Variants in ASCC3 observed in about 807,000 individuals in gnomAD.
The protein encoded by ASCC3 is ASC-1 complex subunit P200.
In ASCC3, 158 loss-of-function variants were observed where a neutral mutation model predicts 256.3. The ratio of observed to expected loss-of-function variants is 0.62; its 90% CI spans 0.54 to 0.70. The LOEUF (loss-of-function observed/expected upper bound fraction) is 0.70, where lower values mean the gene tolerates loss of function less well. Ranked by LOEUF, ASCC3 falls within the 30% of genes least tolerant of loss-of-function variation. The pLI is 0.00. For missense variants in ASCC3, 2,259 were observed against 2,626.0 expected, an observed-to-expected ratio of 0.86 and a Z score of 3.05; for synonymous variants, 948 against 883.4, an observed-to-expected ratio of 1.07 and a Z score of -1.30.
intron 23 of ASCC3, among the ~76,000 whole-genome samples, chr6:100,643,576 T>C (rs779373669): frequency 2.6e-5 from 4 of 152,186 alleles, no homozygotes; most frequent in Non-Finnish European, 5.9e-5. Context: ...CCAGATGGTA[T>C]AGCCTCCTAA....
At chr6:100,818,748 C>CAAAAAAAAAAAA (rs56668191) in intron 4 of ASCC3, among the ~76,000 whole-genome samples, 12 of 58,124 alleles carry the variant, frequency 2.1e-4, no homozygotes, top group African/African-American at 3.1e-4. Flanking sequence ...AGGCAAAAGC[C>CAAAAAAAAAAAA]AAAAAAAAAA....
intron 22 of ASCC3, 62 bp from the exon 23 acceptor site, chr6:100,644,191 A>G (rs1775270101): frequency 9.2e-7 from 1 of 1,089,294 alleles, no homozygotes; most frequent in Non-Finnish European, 1.4e-6. Context: ...GATAGCATCC[A>G]ATCTTCTCAC....
At position 100,589,761 on chromosome 6, in the gene ASCC3, C is replaced by T. The variant is rs371661297; in HGVS notation, c.5423G>A (p.Arg1808His). 74 of 1,613,260 alleles carry T rather than the reference C, an allele frequency of 4.6e-5. No individual in the cohort carries two copies. The highest frequency in any genetic ancestry group is 1.3e-4 in the Admixed American group (8 of 59,952). ...SYCIEIGEDN[R>H]SIEPLTYGRI... ...GCCATAAGTTAGAGGTTCAATGCTGCGATTATCCTATTTCAAAAGAATAAC... is the reference window on the plus strand; with the variant it reads ...GCCATAAGTTAGAGGTTCAATGCTGTGATTATCCTATTTCAAAAGAATAAC... The change falls in exon 36 of 42, where the codon CGC becomes CAC. Residue 1808 changes from arginine to histidine, a missense_variant. By Grantham distance (29) the Arg-to-His change is conservative (BLOSUM62 0). Coordinates refer to ENST00000369162, the MANE Select transcript of ASCC3 (RefSeq NM_006828.4).
rs779950724 is a variant in ASCC3, at chr6:100,652,872, T to A, written c.2841A>T (p.Arg947Ser). The A allele has an allele frequency of 2.5e-5, 41 of 1,613,812 alleles. No individual in the cohort carries two copies. In the South Asian group the frequency reaches 4.5e-4, roughly 18 times the overall value. ...CAATGACCAACTGTTCTCGATGCTT[T>A]CTTAATGTTGGGTCAATCTATGGCA... Reference protein sequence around the residue: ...HKAYQIDPTLRKHREQLVIEV... With the variant: ...HKAYQIDPTLSKHREQLVIEV... The change falls in exon 18 of 42, where the codon AGA (arginine) becomes AGT (serine). Residue 947 changes from arginine to serine, a missense_variant. Coordinates refer to ENST00000369162, the MANE Select transcript of ASCC3 (RefSeq NM_006828.4).
chr6:100,520,634 A>C (rs1439994897), intron 37 of ASCC3, among the ~76,000 whole-genome samples: 1 of 152,144 alleles, frequency 6.6e-6, no homozygotes, highest in Non-Finnish European at 1.5e-5. Context: ...TGGTCCCATA[A>C]GACTATACAA....
chr6:100,774,533 T>A (rs1193426075), intron 8 of ASCC3, among the ~76,000 whole-genome samples: 1 of 150,606 alleles, frequency 6.6e-6, no homozygotes, highest in South Asian at 2.1e-4. Flanking sequence ...GCCTGGCTAA[T>A]TTTTTGTATT....
chr6:100,568,826 G>A (rs1770424079), intron 36 of ASCC3, among the ~76,000 whole-genome samples: 1 of 150,668 alleles, frequency 6.6e-6, no homozygotes, highest in South Asian at 2.1e-4. Context: ...CGCCCAGGCT[G>A]GACTGCAGTG....
At chr6:100,803,502 A>G (rs960590336) in intron 5 of ASCC3, among the ~76,000 whole-genome samples, 5 of 152,106 alleles carry the variant, frequency 3.3e-5, no homozygotes. Flanking sequence ...TGGAACTGTG[A>G]GCCAATTGAA....
chr6:100,588,177 A>C (rs1462469108), intron 36 of ASCC3, among the ~76,000 whole-genome samples: 2 of 152,202 alleles, frequency 1.3e-5, no homozygotes, highest in African/African-American at 4.8e-5. Flanking sequence ...TATTAATATC[A>C]AATAAGTGGT....
At chr6:100,606,097 CG>C (rs1772872643) in intron 32 of ASCC3, among the ~76,000 whole-genome samples, 1 of 151,666 alleles carries the variant, frequency 6.6e-6, no homozygotes, top group Admixed American at 6.6e-5. Context: ...TTATTTTCCC[CG>C]TGAATAATGA....
rs556805277 is a variant in ASCC3 at position 100,647,273 on chromosome 6, T to C, written c.3431A>G (p.Lys1144Arg). 5 of 1,614,070 alleles carry C rather than the reference T, an allele frequency of 3.1e-6. No homozygotes were observed. In the African/African-American group the frequency reaches 5.3e-5, roughly 17 times the overall value. The change falls in exon 21 of 42, where the codon AAA (lysine) becomes AGA (arginine). Residue 1144 changes from lysine (K) to arginine (R), a missense_variant. Lys to Arg is a conservative substitution (Grantham distance 26). Transcript: ENST00000369162. ...PPHILTRLEEKKLTVDKLKDM... is the reference protein window; with the variant it reads ...PPHILTRLEERKLTVDKLKDM... ...TTTCAGCTTATCCACAGTAAGCTTT[T>C]TTTCTTCTAATCTTGTTAGGATGTG...
At chr6:100,638,531 A>C in intron 25 of ASCC3, 70 bp downstream of exon 25, 1 of 1,303,224 alleles carries the variant, frequency 7.7e-7, no homozygotes, top group South Asian at 1.3e-5. Flanking sequence ...CAATATATTT[A>C]GAACTGTCTA....
chr6:100,715,501 A>T lies in ASCC3; in HGVS notation c.2112T>A (p.Cys704Ter). 1 of 1,611,396 alleles carries T rather than the reference A, an allele frequency of 6.2e-7. No homozygotes were observed. Among genetic ancestry groups the T allele is most frequent in the Non-Finnish European group, 8.5e-7 (1 of 1,178,232 alleles). ...MQQLNNMDEV[C>*]YENVLKQVKA... is the part of the protein sequence containing the mutation. ...TTACTTGCTTCAAAACATTTTCATA[A>T]CATACTTCATCCATGTTATTCAACT... Residue 704 changes from cysteine (C) to a stop codon, truncating the protein, a stop_gained, in exon 13 of 42, where the codon TGT becomes TGA. Coordinates refer to ENST00000369162, the MANE Select transcript of ASCC3 (RefSeq NM_006828.4). LOFTEE classifies it high-confidence loss of function.
chr6:100,828,092 T>TAAAAA lies in ASCC3; in HGVS notation c.801+20051_801+20055dup, dbSNP rs10684305. On this transcript the variant is annotated intron_variant, in intron 4 of 41. Coordinates refer to ENST00000369162, the MANE Select transcript of ASCC3 (RefSeq NM_006828.4). ...TATCATGCTGACACACAGTATTTTC[T>TAAAAA]AAAAAAAAAAAAAAAACGAAAAAAA... Among the ~76,000 whole-genome samples, 28 of 125,314 alleles carry TAAAAA rather than the reference T, an allele frequency of 2.2e-4. 1 individual carries two copies. Among genetic ancestry groups the TAAAAA allele is most frequent in the South Asian group, 1.0e-3 (4 of 3,810 alleles). 82.2% of individuals were successfully genotyped at this position (125,314 alleles called of 152,430 possible).
At chr6:100,703,836 T>G (rs1452686018) in intron 13 of ASCC3, among the ~76,000 whole-genome samples, 3 of 151,884 alleles carry the variant, frequency 2.0e-5, no homozygotes, top group Non-Finnish European at 2.9e-5. Flanking sequence ...TGGATAAATG[T>G]ATAACCTCAA....
chr6:100,840,488 CTTTT>C (rs67554743), intron 4 of ASCC3, among the ~76,000 whole-genome samples: 1 of 109,226 alleles, frequency 9.2e-6, no homozygotes, highest in Non-Finnish European at 1.7e-5. Flanking sequence ...CCACGCCAGG[CTTTT>C]TTTTTTTTTT....
At chr6:100,666,605 T>C (rs1788898835) in intron 14 of ASCC3, among the ~76,000 whole-genome samples, 1 of 152,204 alleles carries the variant, frequency 6.6e-6, no homozygotes, top group Non-Finnish European at 1.5e-5. Context: ...TCCATGTTCT[T>C]GGATGTGCAT....
At chr6:100,747,379 C>CTT (rs1562268509) in intron 10 of ASCC3, among the ~76,000 whole-genome samples, 1 of 152,000 alleles carries the variant, frequency 6.6e-6, no homozygotes, top group Non-Finnish European at 1.5e-5. Flanking sequence ...CAGGCAATTC[C>CTT]ACTCCTAGGT....
At position 100,574,558 on chromosome 6, in the gene ASCC3, C is replaced by T. The variant is rs1484557809; in HGVS notation, c.5550+15076G>A. On this transcript the variant is annotated intron_variant, in intron 36 of 41. Transcript: ENST00000369162. ...AAATAAATATATTTTGCTATCTAAACACATTTCTTAAATAACTAAAACTCA... is the reference window on the plus strand; with the variant it reads ...AAATAAATATATTTTGCTATCTAAATACATTTCTTAAATAACTAAAACTCA... Among the ~76,000 whole-genome samples, 3 of 151,772 alleles carry T rather than the reference C, an allele frequency of 2.0e-5. No homozygotes were observed. In the East Asian group the frequency reaches 5.8e-4, roughly 29 times the overall value.
Sources: allele counts gnomAD v4.1 joint callset (sites outside exome capture counted in the v4.1 genomes callset), GRCh38; gene constraint gnomAD v4.1.1; transcripts MANE v1.5; gene names NCBI Gene and HGNC (gene_info 2026-07-23, HGNC 2026-07-21).